Variants in METAP2 observed in about 807,000 individuals in gnomAD.
The protein encoded by METAP2 is methionine aminopeptidase 2.
METAP2 carries 25 observed loss-of-function variants against 59.4 expected under a neutral mutation model. The ratio of observed to expected loss-of-function variants is 0.42; its 90% CI spans 0.31 to 0.59. The LOEUF (loss-of-function observed/expected upper bound fraction) is 0.59, where lower values mean the gene tolerates loss of function less well. METAP2 is among the 20% of genes least tolerant of loss of function. METAP2 has a pLI of 0.16. For synonymous variants in METAP2, 214 were observed against 194.1 expected (o/e 1.10, Z -0.85); for missense variants, 366 against 581.2 (o/e 0.63, Z 3.81).
intron 5 of METAP2, among the ~76,000 whole-genome samples, 189 bp from the exon 6 acceptor site, chr12:95,494,765 GTCT>G (rs1310098884): frequency 2.4e-4 from 37 of 151,752 alleles, no homozygotes; most frequent in African/African-American, 7.5e-4. Flanking sequence ...CAAATTCCTT[GTCT>G]TCTAAAGATA....
intron 8 of METAP2, among the ~76,000 whole-genome samples, chr12:95,510,898 T>C (rs2076397126): frequency 6.6e-6 from 1 of 152,254 alleles, no homozygotes; most frequent in African/African-American, 2.4e-5. Context: ...TGTGGAATTG[T>C]ACAGTATATA....
chr12:95,488,264 C>A (rs2076211934), intron 4 of METAP2, among the ~76,000 whole-genome samples: 1 of 151,928 alleles, frequency 6.6e-6, no homozygotes, highest in Admixed American at 6.6e-5. Flanking sequence ...CTTTGGGAGG[C>A]TGAGGCAGGT....
intron 7 of METAP2, among the ~76,000 whole-genome samples, chr12:95,497,924 G>A (rs1468241450): frequency 6.6e-6 from 1 of 151,466 alleles, no homozygotes; most frequent in African/African-American, 2.4e-5. Flanking sequence ...TCAGGAGATG[G>A]AGACCATCCT....
rs1380907247 is a variant in METAP2 at position 95,474,197 on chromosome 12, G to A, written c.18G>A (p.Glu6=). 2 of 1,614,142 alleles carry A rather than the reference G, an allele frequency of 1.2e-6. No individual in the cohort carries two copies. Among genetic ancestry groups the A allele is most frequent in the South Asian group, 2.2e-5 (2 of 91,082 alleles). Residue 6 remains glutamate (E), a synonymous_variant, in exon 1 of 11, where the codon GAG becomes GAA. Coordinates refer to ENST00000323666, the MANE Select transcript of METAP2 (RefSeq NM_006838.4). ...CGGGCAACATGGCGGGTGTGGAGGAGGTAGCGGCCTCCGGGAGCCACCTGA... is the reference window on the plus strand; with the variant it reads ...CGGGCAACATGGCGGGTGTGGAGGAAGTAGCGGCCTCCGGGAGCCACCTGA... MAGVE[E]VAASGSHLNG...
intron 2 of METAP2, among the ~76,000 whole-genome samples, chr12:95,481,096 A>C (rs970982913): frequency 6.6e-6 from 1 of 152,222 alleles, no homozygotes; most frequent in Non-Finnish European, 1.5e-5. Context: ...CATTCAACAG[A>C]TATCAACTGA....
At chr12:95,507,188 A>C (rs2076367750) in intron 8 of METAP2, among the ~76,000 whole-genome samples, 1 of 152,216 alleles carries the variant, frequency 6.6e-6, no homozygotes, top group Admixed American at 6.5e-5. Context: ...CTGAATACCC[A>C]AGTTTCTTGA....
chr12:95,489,688 AT>A (rs1289294570), intron 4 of METAP2, among the ~76,000 whole-genome samples: 1 of 152,192 alleles, frequency 6.6e-6, no homozygotes, highest in African/African-American at 2.4e-5. Context: ...TTTGTACAAA[AT>A]TAGTCGGGCA....
chr12:95,493,213 C>T (rs1054181310), intron 4 of METAP2, among the ~76,000 whole-genome samples: 4 of 152,142 alleles, frequency 2.6e-5, no homozygotes, highest in Non-Finnish European at 5.9e-5. Context: ...GGGTGGCTCA[C>T]GCCTGTAATC....
intron 2 of METAP2, among the ~76,000 whole-genome samples, chr12:95,480,882 G>C (rs2140139535): frequency 6.6e-6 from 1 of 152,244 alleles, no homozygotes; most frequent in African/African-American, 2.4e-5. Flanking sequence ...TTTATGGGTA[G>C]TGCTTTTTGT....
At chr12:95,503,930 A>G in intron 7 of METAP2, 135 bp from the exon 8 acceptor site, 2 of 643,800 alleles carry the variant, frequency 3.1e-6, no homozygotes, top group South Asian at 4.1e-5. Flanking sequence ...AATCCTCTGC[A>G]AAGTATTTTA....
In METAP2 at chr12:95,513,660, G is replaced by T. The variant is rs1486793859; in HGVS notation, c.1193G>T (p.Arg398Ile). 6.2e-7 allele frequency: 1 copy of T among 1,613,538 alleles called. No individual in the cohort carries two copies. The highest frequency in any genetic ancestry group is 1.1e-5 in the South Asian group (1 of 90,942). The change falls in exon 11 of 11, where the codon AGA (arginine) becomes ATA (isoleucine). Residue 398 changes from arginine to isoleucine, a missense_variant. Arg to Ile is a moderately conservative substitution (Grantham distance 97, BLOSUM62 -3). Transcript: ENST00000323666. ...DVGHVPIRLPRTKHLLNVINE... is the reference protein window; with the variant it reads ...DVGHVPIRLPITKHLLNVINE... Reference sequence around the variant, plus strand: ...GGATTTTCTCCTCTTAGGCTTCCAAGAACAAAACACTTGTTAAATGTCATC... The same window carrying T: ...GGATTTTCTCCTCTTAGGCTTCCAATAACAAAACACTTGTTAAATGTCATC...
At chr12:95,492,196 C>T (rs930840431) in intron 4 of METAP2, among the ~76,000 whole-genome samples, 18 of 150,594 alleles carry the variant, frequency 1.2e-4, no homozygotes, top group African/African-American at 4.4e-4. Flanking sequence ...AGACAGGGTC[C>T]CACTGTGTCA....
intron 8 of METAP2, among the ~76,000 whole-genome samples, chr12:95,505,482 G>A (rs1224261872): frequency 1.3e-5 from 2 of 151,520 alleles, no homozygotes; most frequent in South Asian, 2.1e-4. Context: ...CCACCACCAC[G>A]CCCGGCCAAA....
intron 8 of METAP2, among the ~76,000 whole-genome samples, chr12:95,507,637 T>A (rs1202926979): frequency 6.6e-6 from 1 of 152,246 alleles, no homozygotes; most frequent in Non-Finnish European, 1.5e-5. Context: ...GTGTTAATCC[T>A]CCACCTCCTT....
chr12:95,489,929 T>A (rs1380011411), intron 4 of METAP2, among the ~76,000 whole-genome samples: 3 of 152,218 alleles, frequency 2.0e-5, no homozygotes, highest in African/African-American at 7.2e-5. Flanking sequence ...CACATACCTT[T>A]CACCTAGATT....
At chr12:95,505,764 G>C (rs1056064939) in intron 8 of METAP2, among the ~76,000 whole-genome samples, 13 of 151,820 alleles carry the variant, frequency 8.6e-5, no homozygotes, top group African/African-American at 3.1e-4. Flanking sequence ...CGAAGTGCTG[G>C]GATTACAGGC....
intron 5 of METAP2, among the ~76,000 whole-genome samples, chr12:95,494,559 C>T (rs1327165603): frequency 6.6e-6 from 1 of 152,088 alleles, no homozygotes; most frequent in Non-Finnish European, 1.5e-5. Flanking sequence ...GTAACAAAAC[C>T]AATTCAAGTA....
At position 95,509,847 on chromosome 12, in the gene METAP2, CT is replaced by C. The variant is rs1210964780; in HGVS notation, c.965-2029del. Among the ~76,000 whole-genome samples the C allele has an allele frequency of 4.5e-3, 592 of 131,600 alleles. 3 individuals are homozygous for C. The highest frequency in any genetic ancestry group is 7.3e-3 in the African/African-American group (257 of 35,290). 86.3% of individuals were successfully genotyped at this position (131,600 alleles called of 152,430 possible). ...ATTTTTTTAAGACCTCCCCCCCAAC[CT>C]TTTTTTTTTTTTTTTTTTGAGACTC... On this transcript the variant is annotated intron_variant, in intron 8 of 10. Transcript: ENST00000323666.
rs771632818 is a variant in METAP2, at chr12:95,476,185, G to C, written c.259+7G>C. 5 of 1,556,496 alleles carry C rather than the reference G, an allele frequency of 3.2e-6. No individual in the cohort carries two copies. Among genetic ancestry groups the C allele is most frequent in the Non-Finnish European group, 4.4e-6 (5 of 1,134,588 alleles). On this transcript the variant is annotated splice_region_variant and intron_variant, in intron 2 of 10. Coordinates refer to ENST00000323666, the MANE Select transcript of METAP2 (RefSeq NM_006838.4). ...AGAGATGAAGATGATGAAGGTAAAT[G>C]GTTAATTTGATCTTTGTGGTTAGAA... is the stretch of plus-strand genomic sequence containing the variant.
Sources: allele counts gnomAD v4.1 joint callset (sites outside exome capture counted in the v4.1 genomes callset), GRCh38; gene constraint gnomAD v4.1.1; transcripts MANE v1.5; gene names NCBI Gene and HGNC (gene_info 2026-07-23, HGNC 2026-07-21).